The following JAZF1 variants were observed in gnomAD, a reference collection of about 807,000 sequenced individuals.
JAZF1 encodes the protein JAZF zinc finger 1.
A neutral mutation model predicts 26.4 loss-of-function variants in JAZF1; 8 were observed. The ratio of observed to expected loss-of-function variants is 0.30; its 90% CI spans 0.18 to 0.55. The LOEUF (loss-of-function observed/expected upper bound fraction) is 0.55, where lower values mean the gene tolerates loss of function less well. JAZF1 is among the 20% of genes least tolerant of loss of function. The probability of loss-of-function intolerance (pLI) is 0.94; values close to 1 mark genes in which losing one functional copy is unlikely to be tolerated. For missense variants in JAZF1, 199 were observed against 322.0 expected, an observed-to-expected ratio of 0.62 and a Z score of 2.92; for synonymous variants, 126 against 122.3, an observed-to-expected ratio of 1.03 and a Z score of -0.20.
At chr7:28,174,525 A>G (rs1421327644) in intron 1 of JAZF1, among the ~76,000 whole-genome samples, 1 of 152,232 alleles carries the variant, frequency 6.6e-6, no homozygotes, top group Non-Finnish European at 1.5e-5. Flanking sequence ...TATGAACTCT[A>G]AAGGAAACCA....
chr7:27,938,001 A>T (rs1784784383), intron 2 of JAZF1, among the ~76,000 whole-genome samples: 1 of 152,210 alleles, frequency 6.6e-6, no homozygotes, highest in Admixed American at 6.5e-5. Context: ...AGGTCAGTAC[A>T]TATAGATCTA....
At chr7:27,874,554 C>A (rs574937928) in intron 3 of JAZF1, among the ~76,000 whole-genome samples, 1 of 152,086 alleles carries the variant, frequency 6.6e-6, no homozygotes, top group Non-Finnish European at 1.5e-5. Flanking sequence ...GACAGACATC[C>A]GAACCTTAGA....
chr7:28,144,924 T>G (rs1783002939), intron 1 of JAZF1, among the ~76,000 whole-genome samples: 1 of 152,348 alleles, frequency 6.6e-6, no homozygotes, highest in South Asian at 2.1e-4. Flanking sequence ...TGATGAAACT[T>G]AAAATTAATT....
rs577131879 is a variant in JAZF1 at position 28,038,650 on chromosome 7, A to C, written c.116-46669T>G. Reference sequence around the variant, plus strand: ...CACATAACTAAAATTCCAAAAAAAGAAGCATGCACACACCCCATAACTCCA... The same window carrying C: ...CACATAACTAAAATTCCAAAAAAAGCAGCATGCACACACCCCATAACTCCA... On this transcript the variant is annotated intron_variant, in intron 1 of 4. Coordinates refer to ENST00000283928, the MANE Select transcript of JAZF1 (RefSeq NM_175061.4). Among the ~76,000 whole-genome samples, 27 of 152,330 alleles carry C rather than the reference A, an allele frequency of 1.8e-4. No individual in the cohort carries two copies. The Middle Eastern group carries it at 0.01, about 58-fold the overall frequency.
chr7:27,883,862 T>G (rs528912927), intron 3 of JAZF1, among the ~76,000 whole-genome samples: 1 of 152,356 alleles, frequency 6.6e-6, no homozygotes, highest in South Asian at 2.1e-4. Context: ...GTAACTGGTT[T>G]ATTTGTCCAT....
intron 3 of JAZF1, among the ~76,000 whole-genome samples, chr7:27,848,257 G>A (rs960346747): frequency 1.2e-4 from 18 of 152,126 alleles, no homozygotes; most frequent in African/African-American, 4.3e-4. Flanking sequence ...TTAGTTGTCA[G>A]TGTACAAATC....
intron 1 of JAZF1, among the ~76,000 whole-genome samples, chr7:28,001,953 T>TAATC (rs1206091688): frequency 7.9e-5 from 12 of 152,278 alleles, no homozygotes; most frequent in Non-Finnish European, 1.8e-4. Context: ...AGGAGTTTGA[T>TAATC]AGACAAGAAT....
At chr7:27,920,850 C>T (rs188065557) in intron 2 of JAZF1, among the ~76,000 whole-genome samples, 140 of 152,262 alleles carry the variant, frequency 9.2e-4, no homozygotes, top group Non-Finnish European at 1.6e-3. Flanking sequence ...AAAGCATAAA[C>T]GACCATTTTA....
intron 1 of JAZF1, among the ~76,000 whole-genome samples, chr7:28,100,612 T>C (rs1194118491): frequency 6.6e-6 from 1 of 152,174 alleles, no homozygotes; most frequent in Non-Finnish European, 1.5e-5. Context: ...ATTAGTGTCC[T>C]ACAAAATGGC....
At chr7:28,066,400 G>A (rs1199977497) in intron 1 of JAZF1, among the ~76,000 whole-genome samples, 1 of 151,874 alleles carries the variant, frequency 6.6e-6, no homozygotes, top group Non-Finnish European at 1.5e-5. Flanking sequence ...TCAGGTGTTC[G>A]AGACCAGCCT....
At chr7:27,871,609 T>C (rs1258888883) in intron 3 of JAZF1, among the ~76,000 whole-genome samples, 1 of 152,242 alleles carries the variant, frequency 6.6e-6, no homozygotes, top group Non-Finnish European at 1.5e-5. Context: ...GCCTGCACAG[T>C]ATGCATTTGT....
At chr7:27,967,611 A>G (rs1246603017) in intron 2 of JAZF1, among the ~76,000 whole-genome samples, 1 of 152,212 alleles carries the variant, frequency 6.6e-6, no homozygotes, top group Non-Finnish European at 1.5e-5. Flanking sequence ...CCTCTAATGC[A>G]ATTTTACACA....
chr7:28,167,001 G>C (rs531331788), intron 1 of JAZF1, among the ~76,000 whole-genome samples: 1 of 152,260 alleles, frequency 6.6e-6, no homozygotes, highest in East Asian at 1.9e-4. Context: ...ATGTGGCATA[G>C]GGAGCATCAC....
At chr7:27,970,941 T>C (rs1785363817) in intron 2 of JAZF1, among the ~76,000 whole-genome samples, 3 of 152,200 alleles carry the variant, frequency 2.0e-5, no homozygotes, top group South Asian at 4.1e-4. Context: ...GGCATCCATT[T>C]CTTTAGGTGT....
intron 1 of JAZF1, among the ~76,000 whole-genome samples, chr7:28,075,878 T>C (rs1784043601): frequency 6.6e-6 from 1 of 152,240 alleles, no homozygotes; most frequent in Admixed American, 6.5e-5. Context: ...CATCAGATCA[T>C]AAATATGGTC....
At chr7:28,110,631 AAAGGAAAAGG>A (rs1477830575) in intron 1 of JAZF1, among the ~76,000 whole-genome samples, 14 of 143,114 alleles carry the variant, frequency 9.8e-5, no homozygotes, top group South Asian at 4.4e-4. Flanking sequence ...AAAGGAAAGG[AAAGGAAAAGG>A]AAAGGAAAGG....
chr7:27,896,127 T>C (rs895274456), intron 2 of JAZF1, among the ~76,000 whole-genome samples: 3 of 152,232 alleles, frequency 2.0e-5, no homozygotes, highest in African/African-American at 7.2e-5. Context: ...TGATGATTTG[T>C]TTATGTTCTA....
chr7:28,059,262 T>G (rs764513435), intron 1 of JAZF1, among the ~76,000 whole-genome samples: 8 of 152,188 alleles, frequency 5.3e-5, no homozygotes, highest in Non-Finnish European at 1.0e-4. Context: ...CTTTTCTTTG[T>G]GTGTTGTGAA....
At chr7:27,850,686 C>T (rs751829996) in intron 3 of JAZF1, among the ~76,000 whole-genome samples, 13 of 152,290 alleles carry the variant, frequency 8.5e-5, no homozygotes, top group Admixed American at 2.6e-4. Flanking sequence ...TAAAAAATTA[C>T]GTTATTTCAC....
Sources: gnomAD v4.1 joint callset for allele counts (sites outside exome capture counted in the v4.1 genomes callset) on GRCh38, gnomAD v4.1.1 for gene constraint, MANE v1.5 for transcripts, NCBI Gene and HGNC (gene_info 2026-07-23, HGNC 2026-07-21) for gene names.